Variants in THSD7B observed in about 807,000 individuals in gnomAD.
THSD7B encodes thrombospondin type-1 domain-containing protein 7B.
THSD7B carries 138 observed loss-of-function variants against 213.6 expected under a neutral mutation model. That is an observed-to-expected ratio of 0.65 (90% CI 0.56 to 0.74). THSD7B has a LOEUF of 0.74. THSD7B is among the 30% of genes least tolerant of loss of function. The probability of loss-of-function intolerance (pLI) is 0.00; values close to 1 mark genes in which losing one functional copy is unlikely to be tolerated. For synonymous variants in THSD7B, 742 were observed against 687.0 expected (o/e 1.08, Z -1.25); for missense variants, 1,931 against 1,991.5 (o/e 0.97, Z 0.58).
At chr2:137,633,178 A>T (rs1178027056) in intron 20 of THSD7B, among the ~76,000 whole-genome samples, 2 of 152,208 alleles carry the variant, frequency 1.3e-5, no homozygotes, top group Non-Finnish European at 2.9e-5. Context: ...TTGGATAAAA[A>T]TTCCTGATAT....
intron 2 of THSD7B, among the ~76,000 whole-genome samples, chr2:136,955,716 C>T (rs1216282083): frequency 1.3e-5 from 2 of 152,180 alleles, no homozygotes; most frequent in Non-Finnish European, 2.9e-5. Flanking sequence ...GCATTTCATT[C>T]ATAGGAGGCA....
At chr2:137,575,499 A>G (rs1681439734) in intron 17 of THSD7B, among the ~76,000 whole-genome samples, 2 of 152,038 alleles carry the variant, frequency 1.3e-5, no homozygotes, top group South Asian at 4.1e-4. Flanking sequence ...CTTTGAATGA[A>G]TGGATTACTG....
rs528905312 is a variant in THSD7B at position 137,297,350 on chromosome 2, CT to C, written c.2500+21335del. Among the ~76,000 whole-genome samples, 288 of 144,138 alleles carry C rather than the reference CT, an allele frequency of 2.0e-3. 1 individual carries two copies. The Middle Eastern group carries it at 0.037, about 18-fold the overall frequency. The allele number at this position is 144,138 out of a possible 152,430, so 94.6% of individuals were successfully genotyped here. A position where few individuals can be genotyped will look rare whatever the true frequency, so the allele number is the denominator to read the frequency against. ...AGTAGGATAACCCCACTTCCTTCCT[CT>C]TTTTTTTTTTCTTCTTTCCCCAGCA... On this transcript the variant is annotated intron_variant, in intron 12 of 27. Transcript: ENST00000409968.
chr2:137,412,523 G>GC (rs911479193), intron 14 of THSD7B, among the ~76,000 whole-genome samples: 10 of 149,208 alleles, frequency 6.7e-5, no homozygotes, highest in Non-Finnish European at 1.3e-4. Context: ...CTTGAACCCG[G>GC]GGGGCAGAGG....
chr2:137,178,278 A>G (rs1680395979), intron 7 of THSD7B, among the ~76,000 whole-genome samples: 1 of 152,006 alleles, frequency 6.6e-6, no homozygotes, highest in Non-Finnish European at 1.5e-5. Flanking sequence ...GGAACAGAAG[A>G]CACGCAATAT....
intron 12 of THSD7B, among the ~76,000 whole-genome samples, chr2:137,301,810 G>A (rs1573944688): frequency 6.6e-6 from 1 of 152,134 alleles, no homozygotes; most frequent in East Asian, 1.9e-4. Context: ...GAAGAACAGT[G>A]AGACAAGAGG....
chr2:137,098,744 C>T (rs567347681), intron 4 of THSD7B, among the ~76,000 whole-genome samples: 5 of 152,166 alleles, frequency 3.3e-5, no homozygotes, highest in South Asian at 2.1e-4. Flanking sequence ...TCTCATTGCT[C>T]GACTGTCCAG....
chr2:137,056,754 A>T lies in THSD7B; in HGVS notation c.474A>T (p.Ile158=). 6.2e-7 allele frequency: 1 copy of T among 1,613,986 alleles called. No individual in the cohort carries two copies. Among genetic ancestry groups the T allele is most frequent in the Non-Finnish European group, 8.5e-7 (1 of 1,179,896 alleles). Reference sequence around the variant, plus strand: ...ACCGAACTGTGGTTGCAAATGAAATATGCGAACACTTTGCCCTTCAGCCTC... The same window carrying T: ...ACCGAACTGTGGTTGCAAATGAAATTTGCGAACACTTTGCCCTTCAGCCTC... The part of the protein sequence containing the change: ...KLNRTVVANE[I]CEHFALQPPT... The change falls in exon 3 of 28, where the codon ATA becomes ATT. Residue 158 remains isoleucine (I), a synonymous_variant. Transcript: ENST00000409968.
At chr2:137,218,707 G>A (rs1681302694) in intron 7 of THSD7B, among the ~76,000 whole-genome samples, 1 of 152,046 alleles carries the variant, frequency 6.6e-6, no homozygotes, top group African/African-American at 2.4e-5. Flanking sequence ...TCCAACTGAT[G>A]TCAGCTTGGC....
At chr2:136,801,085 A>T (rs1382148068) in intron 1 of THSD7B, among the ~76,000 whole-genome samples, 1 of 151,880 alleles carries the variant, frequency 6.6e-6, no homozygotes, top group Admixed American at 6.6e-5. Flanking sequence ...CTAAGTCTTG[A>T]TGGTTTGCAT....
At chr2:136,911,650 G>C (rs960904697) in intron 2 of THSD7B, among the ~76,000 whole-genome samples, 1 of 152,212 alleles carries the variant, frequency 6.6e-6, no homozygotes, top group Non-Finnish European at 1.5e-5. Context: ...CATGCCTGCT[G>C]TATAGCAAGA....
At chr2:137,046,451 G>A (rs1049343717) in intron 2 of THSD7B, among the ~76,000 whole-genome samples, 2 of 152,002 alleles carry the variant, frequency 1.3e-5, no homozygotes, top group East Asian at 3.9e-4. Context: ...GAGACCCAGC[G>A]GGGTGTGGTG....
At chr2:137,030,030 G>T (rs1208897026) in intron 2 of THSD7B, among the ~76,000 whole-genome samples, 1 of 152,190 alleles carries the variant, frequency 6.6e-6, no homozygotes, top group African/African-American at 2.4e-5. Flanking sequence ...ATGAGAAGCA[G>T]CTCCTGCCCA....
chr2:136,967,661 C>T (rs1324251445), intron 2 of THSD7B, among the ~76,000 whole-genome samples: 2 of 152,124 alleles, frequency 1.3e-5, no homozygotes, highest in Non-Finnish European at 2.9e-5. Flanking sequence ...AAATGAGCCC[C>T]AATCCAACAA....
intron 2 of THSD7B, among the ~76,000 whole-genome samples, chr2:136,895,394 C>G (rs759700420): frequency 2.6e-5 from 4 of 151,544 alleles, no homozygotes; most frequent in Non-Finnish European, 5.9e-5. Context: ...ATGATGTTGC[C>G]ATTCTCCACA....
intron 1 of THSD7B, among the ~76,000 whole-genome samples, chr2:136,818,650 C>T (rs1418889934): frequency 1.3e-5 from 2 of 152,124 alleles, no homozygotes; most frequent in African/African-American, 4.8e-5. Flanking sequence ...TGACTATAGT[C>T]CCTTGCTTCT....
At chr2:136,954,740 T>TAAAAAAAAAAAAAAAAAAAAAAAA (rs773677139) in intron 2 of THSD7B, among the ~76,000 whole-genome samples, 1 of 137,450 alleles carries the variant, frequency 7.3e-6, no homozygotes, top group African/African-American at 3.1e-5. Flanking sequence ...AAAAAGAAAT[T>TAAAAAAAAAAAAAAAAAAAAAAAA]ACATAAGAGC....
At chr2:137,563,492 T>C (rs1681166173) in intron 16 of THSD7B, 138 bp downstream of exon 16, 2 of 1,187,698 alleles carry the variant, frequency 1.7e-6, no homozygotes, top group African/African-American at 3.1e-5. Context: ...CTTTGAAATA[T>C]TCATTGAAAT....
chr2:137,634,474 A>C (rs1032073700), intron 20 of THSD7B, among the ~76,000 whole-genome samples: 12 of 152,176 alleles, frequency 7.9e-5, no homozygotes, highest in African/African-American at 2.4e-4. Flanking sequence ...GTTTCCAGTC[A>C]ATAGGAACCT....
Sources: gnomAD v4.1 joint callset for allele counts (sites outside exome capture counted in the v4.1 genomes callset) on GRCh38, gnomAD v4.1.1 for gene constraint, MANE v1.5 for transcripts, NCBI Gene and HGNC (gene_info 2026-07-23, HGNC 2026-07-21) for gene names.